GRK3: variants seen among roughly 807,000 people sequenced by gnomAD.
The protein encoded by GRK3 is G protein-coupled receptor kinase 3, also known as adrenergic, beta, receptor kinase 2.
Under a neutral mutation model 95.7 loss-of-function variants are expected in GRK3, and 54 were observed. That is an observed-to-expected ratio of 0.56 (90% CI 0.45 to 0.71). The LOEUF is 0.71. Among genes scored for constraint, GRK3 ranks in the 30% least tolerant of loss-of-function variants. The pLI is 0.00. For synonymous variants in GRK3, 281 were observed against 290.8 expected, an observed-to-expected ratio of 0.97 and a Z score of 0.34; for missense variants, 649 against 851.2, an observed-to-expected ratio of 0.76 and a Z score of 2.96.
chr22:25,636,714 A>G (rs1047843167), intron 2 of GRK3, among the ~76,000 whole-genome samples: 1 of 152,136 alleles, frequency 6.6e-6, no homozygotes, highest in African/African-American at 2.4e-5. Flanking sequence ...AGTCAATTTC[A>G]TGTTCATAGA....
intron 2 of GRK3, among the ~76,000 whole-genome samples, chr22:25,605,265 T>C (rs1299958910): frequency 6.6e-6 from 1 of 152,256 alleles, no homozygotes; most frequent in Non-Finnish European, 1.5e-5. Flanking sequence ...GAGCACTGTG[T>C]GGAAAGTGAT....
intron 9 of GRK3, among the ~76,000 whole-genome samples, chr22:25,680,767 G>A (rs1409556482): frequency 3.3e-5 from 5 of 152,082 alleles, no homozygotes; most frequent in Middle Eastern, 3.2e-3. Context: ...AATAATTATA[G>A]TAAAGTTATT....
intron 1 of GRK3, among the ~76,000 whole-genome samples, chr22:25,592,004 T>C (rs1256669708): frequency 6.6e-6 from 1 of 152,224 alleles, no homozygotes; most frequent in Non-Finnish European, 1.5e-5. Flanking sequence ...TACCTAAAAA[T>C]GGAATGGATT....
intron 2 of GRK3, among the ~76,000 whole-genome samples, chr22:25,622,299 C>T (rs1355592827): frequency 1.3e-5 from 2 of 152,114 alleles, no homozygotes; most frequent in Non-Finnish European, 2.9e-5. Flanking sequence ...TGACCTTGGG[C>T]GGGATGCGGG....
Position 25,646,415 on chromosome 22 carries a change from C to G in GRK3, c.264+1750C>G, listed in dbSNP as rs866842242. On this transcript the variant is annotated intron_variant, in intron 3 of 20. Transcript: ENST00000324198. ...AGCAGATTGGTTAGAGTTCCAGACA[C>G]ATGTAGGTTTGGAGTTTCAGAAAGA... Among the ~76,000 whole-genome samples, 5 of 152,166 alleles carry G rather than the reference C, an allele frequency of 3.3e-5. No homozygotes were observed. In the South Asian group the frequency reaches 8.3e-4, roughly 25 times the overall value.
At chr22:25,718,072 T>C (rs148697237) in intron 18 of GRK3, among the ~76,000 whole-genome samples, 173 bp from the exon 19 acceptor site, 1 of 152,358 alleles carries the variant, frequency 6.6e-6, no homozygotes, top group East Asian at 1.9e-4. Flanking sequence ...CTCTGATCTT[T>C]AGATCCCCAG....
intron 1 of GRK3, among the ~76,000 whole-genome samples, chr22:25,574,312 C>T (rs1338907803): frequency 6.6e-6 from 1 of 152,146 alleles, no homozygotes; most frequent in Non-Finnish European, 1.5e-5. Flanking sequence ...TGGTGAAACC[C>T]TGTCTCTACC....
At chr22:25,718,116 T>A in intron 18 of GRK3, 129 bp from the exon 19 acceptor site, 1 of 1,008,658 alleles carries the variant, frequency 9.9e-7, no homozygotes, top group Admixed American at 2.3e-5. Flanking sequence ...TCGTGACTTC[T>A]GTAATGCGTT....
At chr22:25,569,165 G>C (rs1931596131) in intron 1 of GRK3, among the ~76,000 whole-genome samples, 1 of 152,228 alleles carries the variant, frequency 6.6e-6, no homozygotes, top group East Asian at 1.9e-4. Context: ...CACGTTGAAA[G>C]CACAAATAGC....
chr22:25,591,077 G>T (rs1425645940), intron 1 of GRK3, among the ~76,000 whole-genome samples: 3 of 152,130 alleles, frequency 2.0e-5, no homozygotes, highest in African/African-American at 7.2e-5. Flanking sequence ...TCAGATGCCA[G>T]CTAGGAATGG....
chr22:25,575,577 A>T (rs1235994647), intron 1 of GRK3, among the ~76,000 whole-genome samples: 4 of 152,186 alleles, frequency 2.6e-5, no homozygotes, highest in African/African-American at 7.2e-5. Flanking sequence ...ATTACAGTGG[A>T]TGGTCATTTA....
chr22:25,648,716 A>G (rs2146387727), intron 3 of GRK3: 1 of 1,067,954 alleles, frequency 9.4e-7, no homozygotes, highest in Non-Finnish European at 1.5e-6. Context: ...TGAAGCTTCC[A>G]CAAATGGTTG....
At chr22:25,700,662 A>C (rs2085251317) in intron 13 of GRK3, among the ~76,000 whole-genome samples, 1 of 152,156 alleles carries the variant, frequency 6.6e-6, no homozygotes, top group African/African-American at 2.4e-5. Flanking sequence ...ATCTTGGCTC[A>C]CTGCAAGCTC....
chr22:25,601,189 A>G (rs2084407369), intron 1 of GRK3, among the ~76,000 whole-genome samples: 1 of 152,234 alleles, frequency 6.6e-6, no homozygotes. Context: ...GAATCAGTCT[A>G]TCCAACAGCA....
intron 7 of GRK3, 71 bp from the exon 8 acceptor site, chr22:25,674,366 C>A: frequency 8.1e-7 from 1 of 1,234,126 alleles, no homozygotes; most frequent in Admixed American, 1.8e-5. Flanking sequence ...CTATGTTTTG[C>A]ATGAAAAAAT....
intron 13 of GRK3, among the ~76,000 whole-genome samples, chr22:25,698,686 A>T (rs1271325960): frequency 1.3e-5 from 2 of 152,110 alleles, no homozygotes; most frequent in Non-Finnish European, 2.9e-5. Flanking sequence ...CGAGGCTGAA[A>T]GCTTTTCAGC....
chr22:25,572,651 G>T (rs74535791), intron 1 of GRK3, among the ~76,000 whole-genome samples: 1 of 151,866 alleles, frequency 6.6e-6, no homozygotes, highest in African/African-American at 2.4e-5. Context: ...TATCCATCCC[G>T]TAGGCTCTGG....
intron 1 of GRK3, among the ~76,000 whole-genome samples, chr22:25,590,727 AG>A (rs1373594771): frequency 6.6e-6 from 1 of 152,150 alleles, no homozygotes; most frequent in Non-Finnish European, 1.5e-5. Context: ...AGGCTGAGGG[AG>A]GAGTATCACT....
intron 17 of GRK3, among the ~76,000 whole-genome samples, chr22:25,712,844 C>T (rs2146466491): frequency 6.6e-6 from 1 of 152,340 alleles, no homozygotes; most frequent in East Asian, 1.9e-4. Context: ...ACACTTAGAA[C>T]AAGAAGTCCT....
Sources: gnomAD v4.1 joint callset for allele counts (sites outside exome capture counted in the v4.1 genomes callset) on GRCh38, gnomAD v4.1.1 for gene constraint, MANE v1.5 for transcripts, NCBI Gene and HGNC (gene_info 2026-07-23, HGNC 2026-07-21) for gene names.